Variants in COP1 observed in about 807,000 individuals in gnomAD.
COP1 encodes E3 ubiquitin-protein ligase COP1.
A neutral mutation model predicts 101.3 loss-of-function variants in COP1; 24 were observed. The observed-to-expected ratio is 0.24, with a 90% CI of 0.17 to 0.33. The LOEUF (loss-of-function observed/expected upper bound fraction) is 0.33. Among genes scored for constraint, COP1 ranks in the 10% least tolerant of loss-of-function variants. COP1 has a pLI of 1.00. For synonymous variants in COP1, 347 were observed against 341.9 expected (o/e 1.01, Z -0.17); for missense variants, 663 against 906.2 (o/e 0.73, Z 3.45).
chr1:176,172,318 A>G (rs977043200), intron 3 of COP1, among the ~76,000 whole-genome samples: 3 of 152,238 alleles, frequency 2.0e-5, no homozygotes, highest in Non-Finnish European at 2.9e-5. Flanking sequence ...TTAGGATTAT[A>G]GGTTTGAGCC....
intron 11 of COP1, among the ~76,000 whole-genome samples, chr1:176,061,347 G>T (rs1276435894): frequency 2.6e-5 from 4 of 152,226 alleles, no homozygotes; most frequent in African/African-American, 9.6e-5. Flanking sequence ...CTGAACCTCG[G>T]CTAGGCATGG....
In COP1 at chr1:176,054,458, G is replaced by A. The variant is rs142102569; in HGVS notation, c.1278-8134C>T. On this transcript the variant is annotated intron_variant, in intron 11 of 19. Transcript: ENST00000367669. ...ATTACAGGAATGACCCACTGCACCC[G>A]GCCAAATTACTCTGTTTTTAAGTTT... is the stretch of plus-strand genomic sequence containing the variant. Among the ~76,000 whole-genome samples, 298 of 151,994 alleles carry A rather than the reference G, an allele frequency of 2.0e-3. 3 individuals are homozygous for A. Among genetic ancestry groups the A allele is most frequent in the South Asian group, 0.019 (93 of 4,816 alleles).
chr1:176,102,834 G>C (rs1227073120), intron 9 of COP1, among the ~76,000 whole-genome samples: 1 of 152,144 alleles, frequency 6.6e-6, no homozygotes, highest in Non-Finnish European at 1.5e-5. Flanking sequence ...AGATTAACTG[G>C]CTCATCTGAT....
intron 9 of COP1, among the ~76,000 whole-genome samples, chr1:176,108,672 T>C (rs191079463): frequency 1.3e-5 from 2 of 152,104 alleles, no homozygotes; most frequent in Non-Finnish European, 2.9e-5. Flanking sequence ...AGATGATTTC[T>C]TTGGTATCTA....
At chr1:176,103,739 T>C (rs555009741) in intron 9 of COP1, among the ~76,000 whole-genome samples, 25 of 152,176 alleles carry the variant, frequency 1.6e-4, no homozygotes, top group Non-Finnish European at 3.1e-4. Context: ...AAAAGTTTAA[T>C]TTCAAATTTT....
intron 6 of COP1, among the ~76,000 whole-genome samples, chr1:176,143,998 A>T (rs1486381714): frequency 6.6e-6 from 1 of 152,148 alleles, no homozygotes; most frequent in Non-Finnish European, 1.5e-5. Context: ...TACAGAAAAC[A>T]TCATACCTAA....
intron 6 of COP1, among the ~76,000 whole-genome samples, chr1:176,142,892 G>A (rs1690921104): frequency 6.6e-6 from 1 of 151,822 alleles, no homozygotes; most frequent in Admixed American, 6.6e-5. Context: ...GGCCCTAAAT[G>A]CCTACATTAG....
At chr1:176,179,021 C>T (rs1697364966) in intron 2 of COP1, among the ~76,000 whole-genome samples, 1 of 150,482 alleles carries the variant, frequency 6.6e-6, no homozygotes, top group Non-Finnish European at 1.5e-5. Context: ...CCGGGTGCAG[C>T]GGCTCACGCC....
chr1:176,063,047 G>GTTTTTTTTTTTTTTTTTTTTTTTTTTTT (rs34464104), intron 11 of COP1, among the ~76,000 whole-genome samples: 2 of 90,590 alleles, frequency 2.2e-5, no homozygotes, highest in African/African-American at 4.4e-5. Flanking sequence ...TTTTGAAAAT[G>GTTTTTTTTTTTTTTTTTTTTTTTTTTTT]TTTTTTTTTT....
intron 11 of COP1, among the ~76,000 whole-genome samples, chr1:176,063,500 A>T (rs1675358205): frequency 6.6e-6 from 1 of 152,256 alleles, no homozygotes; most frequent in Non-Finnish European, 1.5e-5. Flanking sequence ...TAAATTATGT[A>T]AAACATCCTG....
At chr1:175,985,532 A>T (rs559147666) in intron 18 of COP1, among the ~76,000 whole-genome samples, 76 of 152,294 alleles carry the variant, frequency 5.0e-4, no homozygotes, top group Admixed American at 1.4e-3. Context: ...GACTTAAAAC[A>T]AAGTAATCAC....
intron 11 of COP1, among the ~76,000 whole-genome samples, chr1:176,049,781 T>C (rs976770112): frequency 1.3e-5 from 2 of 152,176 alleles, no homozygotes; most frequent in African/African-American, 4.8e-5. Context: ...GAAAGCTTTC[T>C]AGAACTAATA....
intron 14 of COP1, among the ~76,000 whole-genome samples, chr1:176,036,519 A>C (rs1182570265): frequency 1.1e-4 from 16 of 149,692 alleles, no homozygotes; most frequent in South Asian, 2.1e-4. Context: ...AAAAAAAAAA[A>C]AAAAAAAGCA....
At chr1:176,021,069 A>G (rs1351936357) in intron 15 of COP1, among the ~76,000 whole-genome samples, 1 of 152,052 alleles carries the variant, frequency 6.6e-6, no homozygotes, top group Non-Finnish European at 1.5e-5. Flanking sequence ...GAACTCCTGG[A>G]CTCAAAGGCT....
chr1:176,139,356 G>A (rs1431780115), intron 6 of COP1, among the ~76,000 whole-genome samples: 1 of 152,018 alleles, frequency 6.6e-6, no homozygotes, highest in East Asian at 1.9e-4. Context: ...GTACACTGCT[G>A]GTGGGAATGT....
At chr1:176,120,027 C>G (rs1686847091) in intron 8 of COP1, among the ~76,000 whole-genome samples, 1 of 152,116 alleles carries the variant, frequency 6.6e-6, no homozygotes, top group Admixed American at 6.6e-5. Flanking sequence ...ACCTTATGTT[C>G]TCTAACTTAA....
intron 11 of COP1, among the ~76,000 whole-genome samples, chr1:176,048,731 A>C (rs936753509): frequency 2.0e-5 from 3 of 152,200 alleles, no homozygotes; most frequent in East Asian, 1.9e-4. Flanking sequence ...ATAGCTAATC[A>C]ACACCATTCC....
intron 15 of COP1, among the ~76,000 whole-genome samples, chr1:175,992,542 C>A (rs1026377790): frequency 6.6e-6 from 1 of 152,222 alleles, no homozygotes; most frequent in African/African-American, 2.4e-5. Context: ...CACTCCCACC[C>A]TAATACTGCG....
In COP1 at chr1:176,135,136, T is replaced by C. The variant is rs374212539; in HGVS notation, c.892-50A>G. 29 of 1,258,222 alleles carry C rather than the reference T, an allele frequency of 2.3e-5. 2 individuals carry two copies. The Middle Eastern group carries it at 3.4e-3, about 149-fold the overall frequency. 77.9% of individuals were successfully genotyped at this position (1,258,222 alleles called of 1,614,324 possible). A position where few individuals can be genotyped will look rare whatever the true frequency, so the allele number is the denominator to read the frequency against. On this transcript the variant is annotated intron_variant, in intron 7 of 19. Transcript: ENST00000367669. The stretch of plus-strand genomic sequence containing the variant: ...TAGTAGATATTTCAAATAGAAGATA[T>C]ATAAATCAAAAAGAGGCATGATATA...
Sources: allele counts gnomAD v4.1 joint callset (sites outside exome capture counted in the v4.1 genomes callset), GRCh38; gene constraint gnomAD v4.1.1; transcripts MANE v1.5; gene names NCBI Gene and HGNC (gene_info 2026-07-23, HGNC 2026-07-21).